The following DNAJC10 variants were observed in gnomAD, a reference collection of about 807,000 sequenced individuals.
DNAJC10 encodes the protein endoplasmic reticulum disulfide reductase DNAJC10.
Under a neutral mutation model 115.0 loss-of-function variants are expected in DNAJC10, and 101 were observed. That is an observed-to-expected ratio of 0.88 (90% confidence interval 0.75 to 1.04). DNAJC10 has a LOEUF of 1.04. DNAJC10 is among the 50% of genes least tolerant of loss of function. The pLI is 0.00. For missense variants in DNAJC10, 981 were observed against 928.8 expected (o/e 1.06, Z -0.73); for synonymous variants, 307 against 301.5 (o/e 1.02, Z -0.19).
intron 19 of DNAJC10, 59 bp downstream of exon 19, chr2:182,757,884 A>C (rs1002450744): frequency 5.0e-6 from 5 of 1,005,476 alleles, no homozygotes; most frequent in Non-Finnish European, 5.6e-6. Flanking sequence ...TACACTTAAC[A>C]GTTAAGTTAC....
At chr2:182,720,728 A>G (rs534237574) in intron 4 of DNAJC10, among the ~76,000 whole-genome samples, 44 of 152,226 alleles carry the variant, frequency 2.9e-4, no homozygotes, top group Middle Eastern at 3.4e-3. Context: ...GTATGACTAT[A>G]TGTTTGCATT....
chr2:182,774,638 G>T (rs288286), intron 22 of DNAJC10, among the ~76,000 whole-genome samples: 27,344 of 152,238 alleles, frequency 0.18, 5,687 homozygotes, highest in African/African-American at 0.51. Context: ...GGCTCCATGG[G>T]TGTGGGACCC....
intron 8 of DNAJC10, among the ~76,000 whole-genome samples, chr2:182,730,244 A>G (rs1693409232): frequency 6.6e-6 from 1 of 152,192 alleles, no homozygotes; most frequent in African/African-American, 2.4e-5. Flanking sequence ...TTGCTTTTTT[A>G]AATATGCTTA....
Position 182,787,593 on chromosome 2 carries a change from A to G in DNAJC10, c.*10461A>G, listed in dbSNP as rs1307773680. ...CAAATCGAAGACATTTAATTTAGTC[A>G]AAATAGGCATGGGAATGAAAGTGAG... On this transcript the variant is annotated 3_prime_UTR_variant, in exon 24 of 24. Transcript: ENST00000264065. The G allele has an allele frequency of 1.3e-5, 2 of 152,224 alleles. No individual in the cohort carries two copies. Among genetic ancestry groups the G allele is most frequent in the African/African-American group, 4.8e-5 (2 of 41,444 alleles). 9.4% of individuals were successfully genotyped at this position (152,224 alleles called of 1,614,324 possible). A position where few individuals can be genotyped will look rare whatever the true frequency, so the allele number is the denominator to read the frequency against.
At chr2:182,755,239 A>G (rs1694127575) in intron 17 of DNAJC10, 135 bp downstream of exon 17, 1 of 635,706 alleles carries the variant, frequency 1.6e-6, no homozygotes, top group Admixed American at 2.9e-5. Flanking sequence ...ATTTTTAAAG[A>G]ATTTTTCTAA....
rs777040571 is a variant in DNAJC10, at chr2:182,752,101, A to G, written c.1464A>G (p.Pro488=). The G allele has an allele frequency of 1.7e-5, 28 of 1,613,798 alleles. No individual in the cohort carries two copies. The highest frequency in any genetic ancestry group is 2.4e-5 in the Non-Finnish European group (28 of 1,179,828). Residue 488 remains proline (P), a synonymous_variant, in exon 16 of 24, where the codon CCA becomes CCG. Coordinates refer to ENST00000264065, the MANE Select transcript of DNAJC10 (RefSeq NM_018981.4). Reference sequence around the variant, plus strand: ...GTCCACCATGTCGAGCTTTACTACCAGAGTTACGAAGAGCATCAAATCTTC... The same window carrying G: ...GTCCACCATGTCGAGCTTTACTACCGGAGTTACGAAGAGCATCAAATCTTC... ...PWCPPCRALL[P]ELRRASNLLY...
Position 182,775,703 on chromosome 2 carries a change from C to CA in DNAJC10, c.2370+291dup, listed in dbSNP as rs1574962436. On this transcript the variant is annotated intron_variant, in intron 23 of 23. Coordinates refer to ENST00000264065, the MANE Select transcript of DNAJC10 (RefSeq NM_018981.4). ...TTTATAGCTGTATCATTCATAATAG[C>CA]AAAAAAAAGAAATGTCTGTCAACTG... Among the ~76,000 whole-genome samples, 5 of 151,372 alleles carry CA rather than the reference C, an allele frequency of 3.3e-5. No homozygotes were observed. The South Asian group carries it at 6.3e-4, about 19-fold the overall frequency.
chr2:182,730,099 G>A (rs543698682), intron 8 of DNAJC10, among the ~76,000 whole-genome samples, 158 bp downstream of exon 8: 2 of 152,078 alleles, frequency 1.3e-5, no homozygotes, highest in Admixed American at 1.3e-4. Context: ...TCTGAACTCT[G>A]CTGAATTTAA....
At chr2:182,777,080 T>G (rs765555790) in intron 23 of DNAJC10, 41 bp from the exon 24 acceptor site, 1 of 1,306,554 alleles carries the variant, frequency 7.7e-7, no homozygotes, top group Non-Finnish European at 1.0e-6. Flanking sequence ...TACCAACTCA[T>G]ACTTTCTCCT....
chr2:182,770,754 C>A (rs1197527151), intron 22 of DNAJC10, among the ~76,000 whole-genome samples: 1 of 152,202 alleles, frequency 6.6e-6, no homozygotes, highest in African/African-American at 2.4e-5. Context: ...CATCTGCATA[C>A]AGGGACAATT....
At chr2:182,739,076 T>C (rs1291958921) in intron 11 of DNAJC10, among the ~76,000 whole-genome samples, 1 of 151,418 alleles carries the variant, frequency 6.6e-6, no homozygotes, top group Non-Finnish European at 1.5e-5. Flanking sequence ...GAATAAGATG[T>C]AGAACTGAGG....
intron 14 of DNAJC10, among the ~76,000 whole-genome samples, chr2:182,745,066 A>G (rs2105653346): frequency 6.6e-6 from 1 of 152,186 alleles, no homozygotes; most frequent in South Asian, 2.1e-4. Context: ...GTTATTACCC[A>G]TTCTTGTGTC....
intron 14 of DNAJC10, among the ~76,000 whole-genome samples, chr2:182,746,586 T>C (rs1693873790): frequency 6.6e-6 from 1 of 152,214 alleles, no homozygotes; most frequent in South Asian, 2.1e-4. Flanking sequence ...GGGTTGTTTT[T>C]TTCTTGTAAA....
intron 22 of DNAJC10, among the ~76,000 whole-genome samples, chr2:182,773,135 C>A (rs1274419310): frequency 1.3e-5 from 2 of 152,010 alleles, no homozygotes; most frequent in African/African-American, 2.4e-5. Context: ...GTTGAAAATT[C>A]TTTTAAGAAT....
In DNAJC10 at chr2:182,780,064, A is replaced by G. The variant is rs1694809829; in HGVS notation, c.*2932A>G. Reference sequence around the variant, plus strand: ...TTTATGATACCTATAGAAAATTGATAATGAAGATGAAAAGTAAATAACCTT... The same window carrying G: ...TTTATGATACCTATAGAAAATTGATGATGAAGATGAAAAGTAAATAACCTT... On this transcript the variant is annotated 3_prime_UTR_variant, in exon 24 of 24. Coordinates refer to ENST00000264065, the MANE Select transcript of DNAJC10 (RefSeq NM_018981.4). The G allele has an allele frequency of 6.6e-6, 1 of 152,222 alleles. No homozygotes were observed. The highest frequency in any genetic ancestry group is 2.4e-5 in the African/African-American group (1 of 41,458). 9.4% of individuals were successfully genotyped at this position (152,222 alleles called of 1,614,324 possible).
intron 5 of DNAJC10, among the ~76,000 whole-genome samples, chr2:182,722,354 A>G (rs1404602299): frequency 6.6e-6 from 1 of 152,202 alleles, no homozygotes; most frequent in South Asian, 2.1e-4. Flanking sequence ...GCTTGCTGCA[A>G]ACTTACAGCA....
intron 19 of DNAJC10, 141 bp downstream of exon 19, chr2:182,757,966 A>G (rs868534027): frequency 3.6e-6 from 2 of 552,006 alleles, no homozygotes; most frequent in African/African-American, 1.9e-5. Flanking sequence ...TTGTTAATGA[A>G]CATTTCAGAA....
At chr2:182,751,579 G>A in intron 14 of DNAJC10, 79 bp from the exon 15 acceptor site, 2 of 1,448,972 alleles carry the variant, frequency 1.4e-6, no homozygotes, top group South Asian at 2.5e-5. Context: ...TTAGTATTCT[G>A]AGTATTAAAA....
At chr2:182,719,155 C>T (rs879778064) in intron 3 of DNAJC10, among the ~76,000 whole-genome samples, 1 of 150,250 alleles carries the variant, frequency 6.7e-6, no homozygotes, top group Non-Finnish European at 1.5e-5. Flanking sequence ...TTCTACCATC[C>T]GAGTATTATT....
Sources: gnomAD v4.1 joint callset for allele counts (sites outside exome capture counted in the v4.1 genomes callset) on GRCh38, gnomAD v4.1.1 for gene constraint, MANE v1.5 for transcripts, NCBI Gene and HGNC (gene_info 2026-07-23, HGNC 2026-07-21) for gene names.